Variants in RELCH observed in about 807,000 individuals in gnomAD.
The protein encoded by RELCH is RAB11 binding and LisH domain, coiled-coil and HEAT repeat containing.
RELCH carries 41 observed loss-of-function variants against 150.3 expected under a neutral mutation model. The observed-to-expected ratio is 0.27, with a 90% CI of 0.21 to 0.35. The LOEUF (loss-of-function observed/expected upper bound fraction) is 0.35, where lower values mean the gene tolerates loss of function less well. RELCH is among the 10% of genes least tolerant of loss of function. RELCH has a pLI of 1.00. For synonymous variants in RELCH, 478 were observed against 531.8 expected, an observed-to-expected ratio of 0.90 and a Z score of 1.39; for missense variants, 1,092 against 1,467.8, an observed-to-expected ratio of 0.74 and a Z score of 4.18.
intron 20 of RELCH, among the ~76,000 whole-genome samples, chr18:62,269,691 A>T (rs534607146): frequency 6.6e-6 from 1 of 152,192 alleles, no homozygotes; most frequent in East Asian, 1.9e-4. Context: ...TCATTTTCTT[A>T]TACTTTTTCA....
At chr18:62,294,322 G>A (rs535783337) in intron 27 of RELCH, among the ~76,000 whole-genome samples, 2 of 152,174 alleles carry the variant, frequency 1.3e-5, no homozygotes, top group Non-Finnish European at 2.9e-5. Context: ...CCTATAGGCA[G>A]TGTATGGGAG....
In RELCH at chr18:62,209,440, G is replaced by T. The variant is rs2040020032; in HGVS notation, c.527-1713G>T. On this transcript the variant is annotated intron_variant, in intron 1 of 28. Transcript: ENST00000644646. Reference sequence around the variant, plus strand: ...TTGGTACTATTGTCAAAAACTACTTGACCATAAATGTAAGGGCTTATTTCT... The same window carrying T: ...TTGGTACTATTGTCAAAAACTACTTTACCATAAATGTAAGGGCTTATTTCT... 2.0e-5 allele frequency among the ~76,000 whole-genome samples: 3 copies of T among 152,088 alleles called. No individual in the cohort carries two copies. The South Asian group carries it at 6.2e-4, about 31-fold the overall frequency.
At chr18:62,272,067 T>C (rs1015263376) in intron 20 of RELCH, among the ~76,000 whole-genome samples, 1 of 152,210 alleles carries the variant, frequency 6.6e-6, no homozygotes, top group African/African-American at 2.4e-5. Flanking sequence ...TACAGCTCTG[T>C]TAAAGTGGCA....
At chr18:62,252,034 T>C (rs1205517543) in intron 11 of RELCH, among the ~76,000 whole-genome samples, 1 of 152,134 alleles carries the variant, frequency 6.6e-6, no homozygotes, top group Non-Finnish European at 1.5e-5. Context: ...TCTCACTCTG[T>C]TGCCAGGCTG....
intron 11 of RELCH, among the ~76,000 whole-genome samples, chr18:62,249,219 T>C (rs1157783424): frequency 6.6e-6 from 1 of 152,214 alleles, no homozygotes. Flanking sequence ...GAATGAACTA[T>C]GAAAGATATC....
intron 26 of RELCH, among the ~76,000 whole-genome samples, chr18:62,290,033 T>C (rs891383976): frequency 1.3e-5 from 2 of 152,232 alleles, no homozygotes; most frequent in African/African-American, 4.8e-5. Flanking sequence ...TCTATATGTC[T>C]ATAGGGATTT....
At position 62,264,839 on chromosome 18, in the gene RELCH, T is replaced by G; in HGVS notation, c.2618T>G (p.Phe873Cys). The G allele has an allele frequency of 6.2e-7, 1 of 1,607,766 alleles. No homozygotes were observed. The highest frequency in any genetic ancestry group is 8.5e-7 in the Non-Finnish European group (1 of 1,177,366). ...WRLCRTFGKI[F>C]TNTKVKPQFQ... is the part of the protein sequence containing the mutation. ...CTTTGCCGGACATTTGGCAAAATTTTTACAAACACTAAGGTAAAAACTTGT... is the reference window on the plus strand; with the variant it reads ...CTTTGCCGGACATTTGGCAAAATTTGTACAAACACTAAGGTAAAAACTTGT... Residue 873 changes from phenylalanine to cysteine, a missense_variant, in exon 18 of 29, where the codon TTT becomes TGT. This residue lies in a region of RELCH where 707 missense variants were observed against 1,025.4 expected (regional missense o/e 0.69). Coordinates refer to ENST00000644646, the MANE Select transcript of RELCH (RefSeq NM_001346231.2).
intron 1 of RELCH, among the ~76,000 whole-genome samples, chr18:62,207,144 T>C (rs992663369): frequency 7.2e-5 from 11 of 152,266 alleles, no homozygotes; most frequent in Admixed American, 7.2e-4. Context: ...GTACACTCCA[T>C]TTTCCCCCTC....
At position 62,268,850 on chromosome 18, in the gene RELCH, AT is replaced by A; in HGVS notation, c.2681-17del. The A allele has an allele frequency of 7.7e-7, 1 of 1,304,524 alleles. No individual in the cohort carries two copies. The highest frequency in any genetic ancestry group is 1.0e-6 in the Non-Finnish European group (1 of 960,638). The allele number at this position is 1,304,524 out of a possible 1,614,324, so 80.8% of individuals were successfully genotyped here. ...TTAAAATATACTTATGTTTTTTTAAATTATTTTAATAATTTTAGATTCCTCA... is the reference window on the plus strand; with the variant it reads ...TTAAAATATACTTATGTTTTTTTAAATATTTTAATAATTTTAGATTCCTCA... On this transcript the variant is annotated intron_variant, in intron 19 of 28. Coordinates refer to ENST00000644646, the MANE Select transcript of RELCH (RefSeq NM_001346231.2).
intron 10 of RELCH, among the ~76,000 whole-genome samples, chr18:62,244,321 G>C (rs1412980887): frequency 1.3e-5 from 2 of 152,042 alleles, no homozygotes; most frequent in African/African-American, 4.8e-5. Flanking sequence ...CTAATCATAA[G>C]GACATTATAT....
rs923270955 is a variant in RELCH, at chr18:62,310,137, C to T, written c.*4603C>T. ...TATGATTTCATAGATGCTTTATCTT[C>T]ATTTCTGATCATTACTTGACAGTTC... On this transcript the variant is annotated 3_prime_UTR_variant, in exon 29 of 29. Transcript: ENST00000644646. 3.3e-5 allele frequency: 5 copies of T among 152,124 alleles called. No homozygotes were observed. Among genetic ancestry groups the T allele is most frequent in the African/African-American group, 9.7e-5 (4 of 41,434 alleles). 9.4% of individuals were successfully genotyped at this position (152,124 alleles called of 1,614,324 possible).
intron 1 of RELCH, among the ~76,000 whole-genome samples, chr18:62,192,180 G>A (rs780209555): frequency 3.3e-5 from 5 of 152,046 alleles, no homozygotes; most frequent in Non-Finnish European, 7.4e-5. Context: ...GCTTGTTGCC[G>A]CATGAATGTC....
At chr18:62,277,977 G>A (rs1451093127) in intron 22 of RELCH, 2 of 324,038 alleles carry the variant, frequency 6.2e-6, no homozygotes, top group Non-Finnish European at 8.9e-6. Context: ...ACTTAGACTT[G>A]GACAAGTTAC....
intron 26 of RELCH, among the ~76,000 whole-genome samples, chr18:62,288,331 T>A (rs780225326): frequency 6.6e-6 from 1 of 152,126 alleles, no homozygotes; most frequent in African/African-American, 2.4e-5. Flanking sequence ...TGGTTCACAT[T>A]GTTATATACC....
In RELCH at chr18:62,279,756, C is replaced by A. The variant is rs767331396; in HGVS notation, c.2968-18C>A. Reference sequence around the variant, plus strand: ...TTCCGTGCATCACCTGTGAATACCCCCTGTGCTGACCAATCAGCTGTTGGT... The same window carrying A: ...TTCCGTGCATCACCTGTGAATACCCACTGTGCTGACCAATCAGCTGTTGGT... On this transcript the variant is annotated intron_variant, in intron 22 of 28. Coordinates refer to ENST00000644646, the MANE Select transcript of RELCH (RefSeq NM_001346231.2). The A allele has an allele frequency of 3.6e-5, 54 of 1,513,738 alleles. No individual in the cohort carries two copies. The highest frequency in any genetic ancestry group is 8.9e-6 in the Non-Finnish European group (10 of 1,126,690). 93.8% of individuals were successfully genotyped at this position (1,513,738 alleles called of 1,614,324 possible).
chr18:62,218,213 T>A (rs1422259075), intron 2 of RELCH, among the ~76,000 whole-genome samples: 2 of 151,850 alleles, frequency 1.3e-5, no homozygotes, highest in Non-Finnish European at 1.5e-5. Flanking sequence ...GGAAAAAAAT[T>A]CCAGAAAATT....
chr18:62,189,942 TAA>T lies in RELCH; in HGVS notation c.526+1912_526+1913del, dbSNP rs536711044. ...GTACCTGTTTTAGGTACTGGATATA[TAA>T]GTGTTTGTGTTTGTCTCTATGTGTG... On this transcript the variant is annotated intron_variant, in intron 1 of 28. Coordinates refer to ENST00000644646, the MANE Select transcript of RELCH (RefSeq NM_001346231.2). 1.3e-4 allele frequency among the ~76,000 whole-genome samples: 19 copies of T among 151,800 alleles called. No homozygotes were observed. The East Asian group carries it at 2.9e-3, about 23-fold the overall frequency.
chr18:62,230,934 CTAACTA>C, intron 8 of RELCH, among the ~76,000 whole-genome samples: 1 of 152,134 alleles, frequency 6.6e-6, no homozygotes, highest in East Asian at 1.9e-4. Flanking sequence ...GTTTGATCCA[CTAACTA>C]TAAATGCCAT....
chr18:62,280,323 C>T (rs749326002), intron 23 of RELCH: 2 of 1,578,282 alleles, frequency 1.3e-6, no homozygotes. Context: ...TTCCAGTTTA[C>T]CAAACCATTT....
Sources: gnomAD v4.1 joint callset for allele counts (sites outside exome capture counted in the v4.1 genomes callset) on GRCh38, gnomAD v4.1.1 for gene constraint, gnomAD v4.1.1 regional missense constraint, MANE v1.5 for transcripts, NCBI Gene and HGNC (gene_info 2026-07-23, HGNC 2026-07-21) for gene names.